INSR: variants seen among roughly 807,000 people sequenced by gnomAD.
The protein encoded by INSR is insulin receptor.
Under a neutral mutation model 142.6 loss-of-function variants are expected in INSR, and 67 were observed. The ratio of observed to expected loss-of-function variants is 0.47; its 90% CI spans 0.39 to 0.58. INSR has a LOEUF of 0.58. Among genes scored for constraint, INSR ranks in the 20% least tolerant of loss-of-function variants. INSR has a pLI of 0.00. For missense variants in INSR, 1,248 were observed against 1,833.2 expected (o/e 0.68, Z 5.83); for synonymous variants, 756 against 743.1 (o/e 1.02, Z -0.28).
At chr19:7,145,298 C>T (rs8103366) in intron 11 of INSR, among the ~76,000 whole-genome samples, 144,619 of 152,190 alleles carry the variant, frequency 0.95, 68,745 homozygotes, top group East Asian at 1. Flanking sequence ...ATCAGTAACA[C>T]TTTAAAACGT....
Position 7,122,599 on chromosome 19 carries a change from G to A in INSR, c.3529+15C>T. 1 of 1,614,074 alleles carries A rather than the reference G, an allele frequency of 6.2e-7. No homozygotes were observed. On this transcript the variant is annotated intron_variant, in intron 19 of 21. Coordinates refer to ENST00000302850, the MANE Select transcript of INSR (RefSeq NM_000208.4). ...CCTGGGTCGTTATGTTTTCAAAGCA[G>A]AAAGCCAGACGAACCTCCAATTTTG...
chr19:7,144,702 CTCTTT>C (rs1403891091), intron 11 of INSR, among the ~76,000 whole-genome samples: 4 of 144,560 alleles, frequency 2.8e-5, no homozygotes, highest in Non-Finnish European at 6.0e-5. Flanking sequence ...CCGCACATGG[CTCTTT>C]TTTTTTTTTT....
intron 11 of INSR, among the ~76,000 whole-genome samples, chr19:7,147,093 A>G (rs1973203388): frequency 6.6e-6 from 1 of 152,316 alleles, no homozygotes; most frequent in South Asian, 2.1e-4. Flanking sequence ...TGTGATATTC[A>G]CATTTTCATT....
chr19:7,151,562 A>C (rs1973361944), intron 10 of INSR, among the ~76,000 whole-genome samples: 1 of 151,600 alleles, frequency 6.6e-6, no homozygotes, highest in Admixed American at 6.6e-5. Flanking sequence ...CTGGGATTAC[A>C]CGAGTGAGCC....
At chr19:7,246,644 C>T (rs1438639468) in intron 2 of INSR, among the ~76,000 whole-genome samples, 1 of 152,232 alleles carries the variant, frequency 6.6e-6, no homozygotes, top group Non-Finnish European at 1.5e-5. Flanking sequence ...CAAAAGTTAG[C>T]TGATAAAAGT....
chr19:7,254,047 G>C (rs145222616), intron 2 of INSR, among the ~76,000 whole-genome samples: 3 of 125,900 alleles, frequency 2.4e-5, no homozygotes, highest in Non-Finnish European at 5.0e-5. Context: ...AAAGAAAAAA[G>C]AAAAGAAAAG....
At chr19:7,169,576 C>CAA (rs74174872) in intron 6 of INSR, among the ~76,000 whole-genome samples, 1,347 of 94,242 alleles carry the variant, frequency 0.014, 10 homozygotes, top group Non-Finnish European at 0.019. Context: ...GACTCTGTCC[C>CAA]AAAAAAAAAA....
chr19:7,204,318 G>C (rs1317148298), intron 2 of INSR, among the ~76,000 whole-genome samples: 1 of 151,986 alleles, frequency 6.6e-6, no homozygotes, highest in Non-Finnish European at 1.5e-5. Flanking sequence ...GCCTCCCAAA[G>C]TGCTGGGATT....
chr19:7,250,900 C>CGATCA (rs970277657), intron 2 of INSR, among the ~76,000 whole-genome samples: 3 of 151,218 alleles, frequency 2.0e-5, no homozygotes, highest in African/African-American at 7.4e-5. Flanking sequence ...CAGGAACGTA[C>CGATCA]GATCAGCAAC....
At chr19:7,163,581 G>GA (rs373717319) in intron 8 of INSR, among the ~76,000 whole-genome samples, 17 of 144,728 alleles carry the variant, frequency 1.2e-4, no homozygotes, top group African/African-American at 2.8e-4. Context: ...AAACAAAAAA[G>GA]AAAAAAAAAA....
Position 7,238,478 on chromosome 19 carries a change from G to A in INSR, c.652+28867C>T, listed in dbSNP as rs574142625. On this transcript the variant is annotated intron_variant, in intron 2 of 21. Coordinates refer to ENST00000302850, the MANE Select transcript of INSR (RefSeq NM_000208.4). Reference sequence around the variant, plus strand: ...CTACTAAAAAATACAAAAATTAGCCGGGCGTGGTGGCATGCACCTGTAATT... The same window carrying A: ...CTACTAAAAAATACAAAAATTAGCCAGGCGTGGTGGCATGCACCTGTAATT... 4.6e-5 allele frequency among the ~76,000 whole-genome samples: 7 copies of A among 151,870 alleles called. No homozygotes were observed. The East Asian group carries it at 5.8e-4, about 13-fold the overall frequency.
intron 2 of INSR, among the ~76,000 whole-genome samples, chr19:7,222,810 TA>T (rs1442530058): frequency 6.6e-6 from 1 of 151,970 alleles, no homozygotes; most frequent in African/African-American, 2.4e-5. Context: ...AAGCTATAGG[TA>T]TAAGGAAGTT....
chr19:7,285,004 G>A (rs1172179737), intron 1 of INSR, among the ~76,000 whole-genome samples: 1 of 152,132 alleles, frequency 6.6e-6, no homozygotes, highest in Non-Finnish European at 1.5e-5. Context: ...ATTTGAGTGA[G>A]TAGGTGAATT....
At chr19:7,182,847 AAAAG>A (rs1292809679) in intron 3 of INSR, among the ~76,000 whole-genome samples, 3 of 151,908 alleles carry the variant, frequency 2.0e-5, no homozygotes, top group Non-Finnish European at 4.4e-5. Flanking sequence ...TGTGATTTTA[AAAAG>A]AAAGAAATGA....
rs367614576 is a variant in INSR, at chr19:7,119,625, G to GACACAC, written c.3660-48_3660-43dup. 97 of 1,593,482 alleles carry GACACAC rather than the reference G, an allele frequency of 6.1e-5. No individual in the cohort carries two copies. Among genetic ancestry groups the GACACAC allele is most frequent in the Middle Eastern group, 1.8e-4 (1 of 5,478 alleles). On this transcript the variant is annotated intron_variant, in intron 20 of 21. Transcript: ENST00000302850. This position sits in a 1 kb window ranked among gnomAD's most constrained non-coding sequence, Gnocchi z 5.2. ...ATAGTAGTAACAAAGAAGCCATTTA[G>GACACAC]ACACACACACACACGCGCGCGCGCA...
chr19:7,220,733 G>A (rs538467684), intron 2 of INSR, among the ~76,000 whole-genome samples: 1 of 152,298 alleles, frequency 6.6e-6, no homozygotes, highest in Non-Finnish European at 1.5e-5. Flanking sequence ...ACTTAGCACA[G>A]GGTCTAGTAT....
intron 1 of INSR, among the ~76,000 whole-genome samples, chr19:7,292,905 A>G (rs902115481): frequency 2.6e-5 from 4 of 152,144 alleles, no homozygotes; most frequent in African/African-American, 9.7e-5. Context: ...GGAGGGGTCA[A>G]GGAGACAGCA....
At chr19:7,181,432 T>C (rs1974271938) in intron 3 of INSR, among the ~76,000 whole-genome samples, 1 of 152,140 alleles carries the variant, frequency 6.6e-6, no homozygotes, top group South Asian at 2.1e-4. Context: ...ATTCTCCCCT[T>C]CCCAGTGGAT....
rs1726441558 is a variant in INSR at position 7,170,738 on chromosome 19, A to G, written c.1282T>C (p.Tyr428His). Reference protein sequence around the residue: ...ETLEIGNYSFYALDNQNLRQL... With the variant: ...ETLEIGNYSFHALDNQNLRQL... ...CTTAGGTTCTGGTTGTCCAAGGCATAGAAGGAGTAGTTCCTATGGAAAAAA... is the reference window on the plus strand; with the variant it reads ...CTTAGGTTCTGGTTGTCCAAGGCATGGAAGGAGTAGTTCCTATGGAAAAAA... Residue 428 changes from tyrosine to histidine, a missense_variant, in exon 6 of 22, where the codon TAT becomes CAT. By Grantham distance (83) the Tyr-to-His change is moderately conservative. Coordinates refer to ENST00000302850, the MANE Select transcript of INSR (RefSeq NM_000208.4). 6.2e-7 allele frequency: 1 copy of G among 1,613,534 alleles called. No individual in the cohort carries two copies. The highest frequency in any genetic ancestry group is 8.5e-7 in the Non-Finnish European group (1 of 1,179,590).
Sources: gnomAD v4.1 joint callset for allele counts (sites outside exome capture counted in the v4.1 genomes callset) on GRCh38, gnomAD v4.1.1 for gene constraint, Gnocchi (gnomAD v3.1) non-coding constraint, MANE v1.5 for transcripts, NCBI Gene and HGNC (gene_info 2026-07-23, HGNC 2026-07-21) for gene names.